The following HIVEP2 variants were observed in gnomAD, a reference collection of about 807,000 sequenced individuals.
HIVEP2 encodes the protein transcription factor HIVEP2.
In HIVEP2, 14 loss-of-function variants were observed where a neutral mutation model predicts 180.7. That is an observed-to-expected ratio of 0.08 (90% CI 0.05 to 0.12). HIVEP2 has a LOEUF of 0.12. Among genes scored for constraint, HIVEP2 ranks in the 10% least tolerant of loss-of-function variants. HIVEP2 has a pLI of 1.00. For missense variants in HIVEP2, 2,579 were observed against 3,008.5 expected (o/e 0.86, Z 3.34); for synonymous variants, 1,184 against 1,136.4 (o/e 1.04, Z -0.84).
At chr6:142,852,557 T>A (rs1410599565) in intron 1 of HIVEP2, among the ~76,000 whole-genome samples, 2 of 152,148 alleles carry the variant, frequency 1.3e-5, no homozygotes, top group African/African-American at 2.4e-5. Flanking sequence ...GAGCTAAGTA[T>A]CCCTCCTATC....
In HIVEP2 at chr6:142,752,667, A is replaced by C. The variant is rs1014566531; in HGVS notation, c.*440T>G. 2 of 160,550 alleles carry C rather than the reference A, an allele frequency of 1.2e-5. No homozygotes were observed. The highest frequency in any genetic ancestry group is 2.8e-5 in the Non-Finnish European group (2 of 72,190). 9.9% of individuals were successfully genotyped at this position (160,550 alleles called of 1,614,324 possible). A position where few individuals can be genotyped will look rare whatever the true frequency, so the allele number is the denominator to read the frequency against. ...TCAGAGCTGTACATAAAAGCTGTTC[A>C]GTTTTAATCATATAAAAATATGTTT... On this transcript the variant is annotated 3_prime_UTR_variant, in exon 10 of 10. Coordinates refer to ENST00000367603, the MANE Select transcript of HIVEP2 (RefSeq NM_006734.4).
At chr6:142,761,415 C>G in intron 8 of HIVEP2, 49 bp downstream of exon 8, 1 of 902,122 alleles carries the variant, frequency 1.1e-6, no homozygotes, top group Non-Finnish European at 1.9e-6. Context: ...CCACAGAGCT[C>G]CACTGTGCAT....
intron 1 of HIVEP2, among the ~76,000 whole-genome samples, chr6:142,862,144 AC>A (rs1775993811): frequency 6.6e-6 from 1 of 152,134 alleles, no homozygotes; most frequent in African/African-American, 2.4e-5. Flanking sequence ...TTCTCTTTTT[AC>A]ACTGTAGAGA....
chr6:142,813,104 TTAATA>T (rs1164871309), intron 2 of HIVEP2, among the ~76,000 whole-genome samples: 1 of 152,138 alleles, frequency 6.6e-6, no homozygotes, highest in Non-Finnish European at 1.5e-5. Flanking sequence ...TTTATAATAT[TTAATA>T]TAATTATTTC....
intron 3 of HIVEP2, among the ~76,000 whole-genome samples, chr6:142,778,517 A>T (rs149656058): frequency 0.011 from 1,651 of 152,318 alleles, 21 homozygotes; most frequent in Non-Finnish European, 0.014. Flanking sequence ...TATTTTTCAG[A>T]TTTAATATTT....
chr6:142,755,896 C>G (rs560391876), intron 9 of HIVEP2, among the ~76,000 whole-genome samples: 1 of 152,110 alleles, frequency 6.6e-6, no homozygotes, highest in Non-Finnish European at 1.5e-5. Flanking sequence ...CTCTCATTCA[C>G]CCCTTCTTCA....
Position 142,926,725 on chromosome 6 carries a change from C to T in HIVEP2, c.-641+18374G>A, listed in dbSNP as rs61250379. 6.7e-3 allele frequency among the ~76,000 whole-genome samples: 1,024 copies of T among 152,268 alleles called. 10 individuals carry two copies. Among genetic ancestry groups the T allele is most frequent in the African/African-American group, 0.023 (964 of 41,554 alleles). Reference sequence around the variant, plus strand: ...GGGCTTTTCCGCACCGTGGAGTCCCCCGACACGCTGGGGCCAGTGAACCCG... The same window carrying T: ...GGGCTTTTCCGCACCGTGGAGTCCCTCGACACGCTGGGGCCAGTGAACCCG... On this transcript the variant is annotated intron_variant, in intron 1 of 9. Transcript: ENST00000367603.
chr6:142,944,272 T>C (rs1311399186), intron 1 of HIVEP2, among the ~76,000 whole-genome samples: 1 of 151,426 alleles, frequency 6.6e-6, no homozygotes, highest in African/African-American at 2.4e-5. Flanking sequence ...GGATGTGTTA[T>C]GTAAGAGGGA....
chr6:142,825,146 C>T (rs1774848219), intron 2 of HIVEP2, among the ~76,000 whole-genome samples: 1 of 152,172 alleles, frequency 6.6e-6, no homozygotes, highest in African/African-American at 2.4e-5. Context: ...AAGGATATTT[C>T]CTAGACATCT....
In HIVEP2 at chr6:142,772,289, G is replaced by C; in HGVS notation, c.2450C>G (p.Ser817Cys). Reference sequence around the variant, plus strand: ...GCAAGCCACAAGTTCGGCTGACTCAGACCTTTCAAATGAATTGGGTCGGCT... The same window carrying C: ...GCAAGCCACAAGTTCGGCTGACTCACACCTTTCAAATGAATTGGGTCGGCT... ...SLSRPNSFER[S>C]ESAELVACTQ... Residue 817 changes from serine to cysteine, a missense_variant, in exon 5 of 10, where the codon TCT becomes TGT. Ser to Cys is a moderately radical substitution (Grantham distance 112). This residue lies in a region of HIVEP2 where 524 missense variants were observed against 563.6 expected (regional missense o/e 0.93). Transcript: ENST00000367603. The surrounding 1 kb of genome is among the most constrained non-coding windows in gnomAD (Gnocchi z 4.9). 1.9e-6 allele frequency: 3 copies of C among 1,614,236 alleles called. No individual in the cohort carries two copies. In the African/African-American group the frequency reaches 4.0e-5, roughly 22 times the overall value.
Position 142,822,146 on chromosome 6 carries a change from G to A in HIVEP2, c.-528+14789C>T, listed in dbSNP as rs529171327. Reference sequence around the variant, plus strand: ...CCTTAAGTAACTCTCACACTCTAAAGCCTTAATCTGCAGTAAAACACAGGA... The same window carrying A: ...CCTTAAGTAACTCTCACACTCTAAAACCTTAATCTGCAGTAAAACACAGGA... On this transcript the variant is annotated intron_variant, in intron 2 of 9. Coordinates refer to ENST00000367603, the MANE Select transcript of HIVEP2 (RefSeq NM_006734.4). Among the ~76,000 whole-genome samples the A allele has an allele frequency of 2.0e-4, 31 of 152,236 alleles. No homozygotes were observed. The East Asian group carries it at 5.6e-3, about 27-fold the overall frequency.
intron 1 of HIVEP2, among the ~76,000 whole-genome samples, chr6:142,893,968 C>A (rs963820411): frequency 1.3e-5 from 2 of 152,116 alleles, no homozygotes; most frequent in Non-Finnish European, 2.9e-5. Flanking sequence ...CACACAAATG[C>A]GTAAAAGCTT....
At position 142,798,167 on chromosome 6, in the gene HIVEP2, G is replaced by A. The variant is rs73586542; in HGVS notation, c.-527-14552C>T. On this transcript the variant is annotated intron_variant, in intron 2 of 9. Coordinates refer to ENST00000367603, the MANE Select transcript of HIVEP2 (RefSeq NM_006734.4). ...CTGATGGCACATCTGATACACAGAG[G>A]AGACAGTCAGACACCCCAACAAAAG... Among the ~76,000 whole-genome samples the A allele has an allele frequency of 4.9e-3, 741 of 152,012 alleles. 5 individuals carry two copies. Among genetic ancestry groups the A allele is most frequent in the African/African-American group, 0.017 (701 of 41,470 alleles).
At chr6:142,818,550 TC>T (rs1216842657) in intron 2 of HIVEP2, among the ~76,000 whole-genome samples, 1 of 151,424 alleles carries the variant, frequency 6.6e-6, no homozygotes, top group Non-Finnish European at 1.5e-5. Flanking sequence ...ATGCCTGTAA[TC>T]CCAGCTACTT....
At chr6:142,768,252 AC>A in intron 6 of HIVEP2, 129 bp downstream of exon 6, 2 of 818,356 alleles carry the variant, frequency 2.4e-6, no homozygotes, top group Non-Finnish European at 3.8e-6. Context: ...AGAGTTCAGA[AC>A]TGTGAATAGA....
At position 142,772,078 on chromosome 6, in the gene HIVEP2, C is replaced by G; in HGVS notation, c.2661G>C (p.Gln887His). Reference sequence around the variant, plus strand: ...CCTCGGTCACTCGAATCTCAGGAACCTGGATGTTGTGTTGCCGAACTAGCC... The same window carrying G: ...CCTCGGTCACTCGAATCTCAGGAACGTGGATGTTGTGTTGCCGAACTAGCC... The part of the protein sequence containing the change: ...QPRLVRQHNI[Q>H]VPEIRVTEEP... The change falls in exon 5 of 10, where the codon CAG becomes CAC. Residue 887 changes from glutamine to histidine, a missense_variant. Physicochemically the swap from Gln to His is conservative, Grantham distance 24. This residue lies in a region of HIVEP2 where 51 missense variants were observed against 102.8 expected (regional missense o/e 0.50). Transcript: ENST00000367603. This position sits in a 1 kb window ranked among gnomAD's most constrained non-coding sequence, Gnocchi z 4.9. The G allele has an allele frequency of 6.2e-7, 1 of 1,614,174 alleles. No homozygotes were observed. The highest frequency in any genetic ancestry group is 8.5e-7 in the Non-Finnish European group (1 of 1,180,042).
At chr6:142,767,360 G>C (rs189141005) in intron 6 of HIVEP2, among the ~76,000 whole-genome samples, 42 of 152,304 alleles carry the variant, frequency 2.8e-4, no homozygotes, top group Non-Finnish European at 2.1e-4. Context: ...GAAAATGCTA[G>C]ATATCCAAAG....
In HIVEP2 at chr6:142,759,310, A is replaced by G. The variant is rs920347140; in HGVS notation, c.6516+462T>C. Among the ~76,000 whole-genome samples the G allele has an allele frequency of 3.3e-5, 5 of 152,260 alleles. No homozygotes were observed. The East Asian group carries it at 9.7e-4, about 29-fold the overall frequency. ...AGAGTGAGACCCTGTCTCAAAAAAA[A>G]TAAATAAAATAAAAATTTTAAAAAT... On this transcript the variant is annotated intron_variant, in intron 9 of 9. Transcript: ENST00000367603.
chr6:142,762,986 T>G (rs910467869), intron 7 of HIVEP2, among the ~76,000 whole-genome samples: 2 of 152,172 alleles, frequency 1.3e-5, no homozygotes, highest in Non-Finnish European at 2.9e-5. Context: ...ATCTACAAAT[T>G]AATAAAAATC....
Sources: gnomAD v4.1 joint callset for allele counts (sites outside exome capture counted in the v4.1 genomes callset) on GRCh38, gnomAD v4.1.1 for gene constraint, gnomAD v4.1.1 regional missense constraint, Gnocchi (gnomAD v3.1) non-coding constraint, MANE v1.5 for transcripts, NCBI Gene and HGNC (gene_info 2026-07-23, HGNC 2026-07-21) for gene names.